Variants in ZNF606 observed in about 807,000 individuals in gnomAD.
ZNF606 encodes zinc finger protein 606.
Under a neutral mutation model 74.9 loss-of-function variants are expected in ZNF606, and 37 were observed. The observed-to-expected ratio is 0.49, with a 90% CI of 0.38 to 0.65. The LOEUF is 0.65. Ranked by LOEUF, ZNF606 falls within the 30% of genes least tolerant of loss-of-function variation. ZNF606 has a pLI of 0.00. For missense variants in ZNF606, 852 were observed against 952.9 expected (o/e 0.89, Z 1.39); for synonymous variants, 328 against 312.4 (o/e 1.05, Z -0.53).
intron 6 of ZNF606, among the ~76,000 whole-genome samples, chr19:57,986,720 T>C (rs2123292118): frequency 6.6e-6 from 1 of 152,288 alleles, no homozygotes; most frequent in South Asian, 2.1e-4. Flanking sequence ...GGCAGAGCTA[T>C]ACACAAAGTT....
chr19:57,980,563 G>A (rs1001383282), intron 6 of ZNF606, among the ~76,000 whole-genome samples: 22 of 151,120 alleles, frequency 1.5e-4, no homozygotes, highest in African/African-American at 5.1e-4. Context: ...GAGGCCGGAC[G>A]AGGTGGCTAC....
chr19:57,990,963 C>G (rs2073249304), intron 4 of ZNF606, among the ~76,000 whole-genome samples: 1 of 152,160 alleles, frequency 6.6e-6, no homozygotes, highest in African/African-American at 2.4e-5. Context: ...AACCTCATCT[C>G]TGTGTCTCAC....
At chr19:58,002,358 C>A (rs1349655776) in intron 1 of ZNF606, 38 bp downstream of exon 1, 1 of 456,746 alleles carries the variant, frequency 2.2e-6, no homozygotes, top group Admixed American at 2.3e-5. Context: ...TCAAGACCGA[C>A]GCGGCCGCGA....
intron 2 of ZNF606, 153 bp downstream of exon 2, chr19:58,001,136 T>C (rs1269179859): frequency 2.4e-6 from 2 of 840,370 alleles, no homozygotes; most frequent in South Asian, 3.5e-5. Context: ...TGCCAACAAT[T>C]TTCCTCCTTT....
chr19:57,987,117 C>A (rs1314563579), intron 6 of ZNF606, among the ~76,000 whole-genome samples: 5 of 151,954 alleles, frequency 3.3e-5, no homozygotes, highest in Admixed American at 3.3e-4. Flanking sequence ...ATCCCCAGGG[C>A]AACTACCAAG....
intron 4 of ZNF606, among the ~76,000 whole-genome samples, chr19:57,995,250 G>C (rs995173250): frequency 6.6e-6 from 1 of 151,370 alleles, no homozygotes; most frequent in Non-Finnish European, 1.5e-5. Context: ...GCTTCTAGGG[G>C]TATGCCTAGA....
intron 4 of ZNF606, among the ~76,000 whole-genome samples, chr19:57,991,439 C>G (rs1216107039): frequency 6.6e-6 from 1 of 152,214 alleles, no homozygotes. Flanking sequence ...CTCTTACAGA[C>G]TGCCCAGACC....
At chr19:58,001,126 T>C in intron 2 of ZNF606, 163 bp downstream of exon 2, 1 of 775,484 alleles carries the variant, frequency 1.3e-6, no homozygotes, top group Non-Finnish European at 2.1e-6. Context: ...GTGTCTTTTA[T>C]GCCAACAATT....
Position 57,979,461 on chromosome 19 carries a change from T to C in ZNF606, c.1219A>G (p.Thr407Ala). The stretch of plus-strand genomic sequence containing the variant: ...AGGTAAGAGCTCCAGATGAAAGACG[T>C]CCCACATTCATTGTAGTCATAGGGT... ...EKPYDYNECGTSFIWSSYLIQ... is the reference protein window; with the variant it reads ...EKPYDYNECGASFIWSSYLIQ... Residue 407 changes from threonine to alanine, a missense_variant, in exon 7 of 7, where the codon ACG (threonine) becomes GCG (alanine). This residue lies in a region of ZNF606 where 545 missense variants were observed against 542.5 expected (regional missense o/e 1.00). Coordinates refer to ENST00000551380, the MANE Select transcript of ZNF606 (RefSeq NM_001348022.3). The C allele has an allele frequency of 1.2e-6, 2 of 1,614,146 alleles. No individual in the cohort carries two copies. The highest frequency in any genetic ancestry group is 2.2e-5 in the South Asian group (2 of 91,078).
rs1568571354 is a variant in ZNF606, at chr19:57,978,067, T to G, written c.*234A>C. Reference sequence around the variant, plus strand: ...ATTACTGGTAGACCATAAGGGGAGTTTAGAGTTTCCTTCATTGTTAATTAT... The same window carrying G: ...ATTACTGGTAGACCATAAGGGGAGTGTAGAGTTTCCTTCATTGTTAATTAT... On this transcript the variant is annotated 3_prime_UTR_variant, in exon 7 of 7. Coordinates refer to ENST00000551380, the MANE Select transcript of ZNF606 (RefSeq NM_001348022.3). This position sits in a 1 kb window ranked among gnomAD's most constrained non-coding sequence, Gnocchi z 4.4. The G allele has an allele frequency of 5.3e-6, 2 of 380,044 alleles. No homozygotes were observed. The highest frequency in any genetic ancestry group is 9.3e-6 in the Non-Finnish European group (2 of 215,256). 23.5% of individuals were successfully genotyped at this position (380,044 alleles called of 1,614,324 possible).
intron 6 of ZNF606, among the ~76,000 whole-genome samples, chr19:57,981,980 T>C (rs903574215): frequency 3.3e-5 from 5 of 152,224 alleles, no homozygotes; most frequent in African/African-American, 1.2e-4. Context: ...GAACTGCCTA[T>C]TATCACTGCT....
At chr19:57,981,828 A>C (rs1025120573) in intron 6 of ZNF606, among the ~76,000 whole-genome samples, 3 of 152,228 alleles carry the variant, frequency 2.0e-5, no homozygotes, top group Non-Finnish European at 4.4e-5. Context: ...AAGACAGCAT[A>C]GTGTGAAAAA....
chr19:57,994,926 G>C (rs996963016), intron 4 of ZNF606, among the ~76,000 whole-genome samples: 1 of 152,140 alleles, frequency 6.6e-6, no homozygotes, highest in Non-Finnish European at 1.5e-5. Flanking sequence ...GCTCATGCCT[G>C]TAATCTCAGC....
intron 1 of ZNF606, among the ~76,000 whole-genome samples, chr19:58,001,727 T>C (rs2073432374): frequency 6.6e-6 from 1 of 152,120 alleles, no homozygotes; most frequent in South Asian, 2.1e-4. Flanking sequence ...AAAAATGAAA[T>C]GGGGAGTGAC....
rs758204042 is a variant in ZNF606, at chr19:57,988,582, G to A, written c.304+13C>T. The A allele has an allele frequency of 1.9e-6, 3 of 1,610,248 alleles. No individual in the cohort carries two copies. Among genetic ancestry groups the A allele is most frequent in the South Asian group, 2.2e-5 (2 of 90,820 alleles). On this transcript the variant is annotated intron_variant, in intron 5 of 6. Coordinates refer to ENST00000551380, the MANE Select transcript of ZNF606 (RefSeq NM_001348022.3). ...GGGAACAGCTTCGTTTACTTGGGCAGCACCTGCCTTACCCACAGAGAGCAG... is the reference window on the plus strand; with the variant it reads ...GGGAACAGCTTCGTTTACTTGGGCAACACCTGCCTTACCCACAGAGAGCAG...
At chr19:58,001,983 C>T (rs533375899) in intron 1 of ZNF606, 29 of 357,242 alleles carry the variant, frequency 8.1e-5, no homozygotes, top group African/African-American at 4.9e-4. Context: ...CGCCCAGACC[C>T]CTAACTCCTC....
At position 57,978,487 on chromosome 19, in the gene ZNF606, A is replaced by G. The variant is rs1410369512; in HGVS notation, c.2193T>C (p.Thr731=). ...GATTACATTTGTAGGGCTTTTCTCCAGTATGGTTTCTTAGGTGTACAATAA... is the reference window on the plus strand; with the variant it reads ...GATTACATTTGTAGGGCTTTTCTCCGGTATGGTTTCTTAGGTGTACAATAA... The part of the protein sequence containing the change: ...SSLIVHLRNH[T]GEKPYKCNHC... The change falls in exon 7 of 7, where the codon ACT becomes ACC. Residue 731 remains threonine (T), a synonymous_variant. Transcript: ENST00000551380. This position sits in a 1 kb window ranked among gnomAD's most constrained non-coding sequence, Gnocchi z 4.4. 6.2e-7 allele frequency: 1 copy of G among 1,613,852 alleles called. No individual in the cohort carries two copies. The highest frequency in any genetic ancestry group is 1.3e-5 in the African/African-American group (1 of 75,060).
At chr19:58,003,342 T>A (rs529249278), upstream of ZNF606, 8 of 455,768 alleles carry the variant, frequency 1.8e-5, no homozygotes, top group Non-Finnish European at 3.5e-5. Context: ...ACCCTGTGAG[T>A]TTTCCTCTAT....
At chr19:57,990,603 T>C (rs2073244001) in intron 4 of ZNF606, among the ~76,000 whole-genome samples, 1 of 149,256 alleles carries the variant, frequency 6.7e-6, no homozygotes, top group Admixed American at 6.7e-5. Flanking sequence ...GTGTGCAGTA[T>C]ACCGCTCCCA....
Sources: allele counts gnomAD v4.1 joint callset (sites outside exome capture counted in the v4.1 genomes callset), GRCh38; gene constraint gnomAD v4.1.1; regional missense constraint gnomAD v4.1.1; non-coding constraint Gnocchi (gnomAD v3.1); transcripts MANE v1.5; gene names NCBI Gene and HGNC (gene_info 2026-07-23, HGNC 2026-07-21).